Variants in LACC1 observed in about 807,000 individuals in gnomAD.
LACC1 encodes the protein laccase domain multifunctional purine nucleosidase 1.
A neutral mutation model predicts 34.8 loss-of-function variants in LACC1; 25 were observed. The ratio of observed to expected loss-of-function variants is 0.72; its 90% CI spans 0.52 to 1.00. The LOEUF (loss-of-function observed/expected upper bound fraction) is 1.00, where lower values mean the gene tolerates loss of function less well. LACC1 is among the 50% of genes least tolerant of loss of function. LACC1 has a pLI of 0.00. For missense variants in LACC1, 426 were observed against 511.2 expected (o/e 0.83, Z 1.61); for synonymous variants, 162 against 168.0 (o/e 0.96, Z 0.28).
chr13:43,884,653 G>A (rs1216146496), intron 4 of LACC1, among the ~76,000 whole-genome samples: 1 of 152,172 alleles, frequency 6.6e-6, no homozygotes, highest in East Asian at 1.9e-4. Context: ...TTTTAAAATA[G>A]TATTTTAGAT....
intron 2 of LACC1, 61 bp downstream of exon 2, chr13:43,881,608 G>A: frequency 7.9e-7 from 1 of 1,265,106 alleles, no homozygotes; most frequent in Non-Finnish European, 1.1e-6. Flanking sequence ...TTTCTTCAGA[G>A]GTAGTTCACC....
chr13:43,883,637 G>A lies in LACC1; in HGVS notation c.742-134G>A, dbSNP rs185726689. The A allele has an allele frequency of 6.1e-4, 319 of 519,798 alleles. 3 individuals are homozygous for A. Among genetic ancestry groups the A allele is most frequent in the Non-Finnish European group, 1.0e-4 (33 of 317,318 alleles). The allele number at this position is 519,798 out of a possible 1,614,324, so 32.2% of individuals were successfully genotyped here. On this transcript the variant is annotated intron_variant, in intron 3 of 6. Coordinates refer to ENST00000325686, the MANE Select transcript of LACC1 (RefSeq NM_153218.4). ...ATTTTGTGTTTTCCCATATATAAAA[G>A]TGATATATTTAATGAATGCTAGTAA...
chr13:43,879,254 G>C (rs1954785986), upstream of LACC1: 1 of 152,630 alleles, frequency 6.6e-6, no homozygotes, highest in Admixed American at 6.5e-5. Flanking sequence ...TTCTAACCGG[G>C]CCCCTAGTTC....
chr13:43,890,177 C>T lies in LACC1; in HGVS notation c.1197C>T (p.Asn399=). 1 of 1,613,504 alleles carries T rather than the reference C, an allele frequency of 6.2e-7. No homozygotes were observed. Among genetic ancestry groups the T allele is most frequent in the Non-Finnish European group, 8.5e-7 (1 of 1,179,508 alleles). Residue 399 remains asparagine, a synonymous_variant, in exon 6 of 7, where the codon AAC becomes AAT. Coordinates refer to ENST00000325686, the MANE Select transcript of LACC1 (RefSeq NM_153218.4). ...TTCAGGACCAGAACCAAGATCTCAA[C>T]CTCTGTACATCTTGCCATCCTGACA... The part of the protein sequence containing the change: ...QNIQDQNQDL[N]LCTSCHPDKF...
chr13:43,882,557 A>G (rs561759761), intron 3 of LACC1, among the ~76,000 whole-genome samples, 194 bp downstream of exon 3: 396 of 106,280 alleles, frequency 3.7e-3, no homozygotes, highest in African/African-American at 0.013. Context: ...ACACACACAC[A>G]CGTGCAGATA....
Position 43,891,473 on chromosome 13 carries a change from C to T in LACC1, c.*26C>T, listed in dbSNP as rs1955566114. 1 of 984,814 alleles carries T rather than the reference C, an allele frequency of 1.0e-6. No individual in the cohort carries two copies. Among genetic ancestry groups the T allele is most frequent in the Non-Finnish European group, 1.2e-6 (1 of 829,282 alleles). 61.0% of individuals were successfully genotyped at this position (984,814 alleles called of 1,614,324 possible). On this transcript the variant is annotated 3_prime_UTR_variant, in exon 7 of 7. Transcript: ENST00000325686. ...GATACTTGACTGGATTTTTGTATAA[C>T]TGCTTCCTGCCTCCTTCCAAACTGA...
chr13:43,881,665 C>A lies in LACC1; in HGVS notation c.562+118C>A, dbSNP rs564100274. 47 of 747,920 alleles carry A rather than the reference C, an allele frequency of 6.3e-5. No homozygotes were observed. The African/African-American group carries it at 7.8e-4, about 12-fold the overall frequency. The allele number at this position is 747,920 out of a possible 1,614,324, so 46.3% of individuals were successfully genotyped here. ...TGTTGACTGTTGTGGGCTGATTACT[C>A]ATTAGCATCAGTGGCAACACAGAGG... On this transcript the variant is annotated intron_variant, in intron 2 of 6. Coordinates refer to ENST00000325686, the MANE Select transcript of LACC1 (RefSeq NM_153218.4).
In LACC1 at chr13:43,892,680, A is replaced by G. The variant is rs367753469; in HGVS notation, c.*1233A>G. On this transcript the variant is annotated 3_prime_UTR_variant, in exon 7 of 7. Coordinates refer to ENST00000325686, the MANE Select transcript of LACC1 (RefSeq NM_153218.4). ...CAATACAGAGATGATACCTGATTCT[A>G]TTGGAGCAGGTTTGATCATCTAGGC... is the stretch of plus-strand genomic sequence containing the variant. 1.3e-5 allele frequency: 2 copies of G among 152,168 alleles called. No homozygotes were observed. The highest frequency in any genetic ancestry group is 2.9e-5 in the Non-Finnish European group (2 of 67,996). 9.4% of individuals were successfully genotyped at this position (152,168 alleles called of 1,614,324 possible).
In LACC1 at chr13:43,890,127, C is replaced by A. The variant is rs529354475; in HGVS notation, c.1147C>A (p.Gln383Lys). The change falls in exon 6 of 7, where the codon CAG becomes AAG. Residue 383 changes from glutamine to lysine, a missense_variant. Gln to Lys is a moderately conservative substitution (Grantham distance 53). Coordinates refer to ENST00000325686, the MANE Select transcript of LACC1 (RefSeq NM_153218.4). ...ATTTTTCCTAAGGATTCTTCTAGAA[C>A]AGGGAGGAATTCTTCCACAGAATAT... is the stretch of plus-strand genomic sequence containing the variant. Reference protein sequence around the residue: ...IRKATRILLEQGGILPQNIQD... With the variant: ...IRKATRILLEKGGILPQNIQD... 2.2e-5 allele frequency: 35 copies of A among 1,610,904 alleles called. No homozygotes were observed. The highest frequency in any genetic ancestry group is 1.7e-4 in the Middle Eastern group (1 of 6,058).
In LACC1 at chr13:43,893,740, A is replaced by G. The variant is rs1377750705; in HGVS notation, c.*2293A>G. 6 of 152,100 alleles carry G rather than the reference A, an allele frequency of 3.9e-5. No homozygotes were observed. The highest frequency in any genetic ancestry group is 1.5e-5 in the Non-Finnish European group (1 of 67,858). The allele number at this position is 152,100 out of a possible 1,614,324, so 9.4% of individuals were successfully genotyped here. Reference sequence around the variant, plus strand: ...GATAGAAATGTTGAACTCATCCAAAATATTATTTTGTTTAATGAAAATGAT... The same window carrying G: ...GATAGAAATGTTGAACTCATCCAAAGTATTATTTTGTTTAATGAAAATGAT... On this transcript the variant is annotated 3_prime_UTR_variant, in exon 7 of 7. Coordinates refer to ENST00000325686, the MANE Select transcript of LACC1 (RefSeq NM_153218.4).
rs1163384577 is a variant in LACC1 at position 43,883,945 on chromosome 13, A to G, written c.907+9A>G. 3 of 1,589,678 alleles carry G rather than the reference A, an allele frequency of 1.9e-6. No homozygotes were observed. The highest frequency in any genetic ancestry group is 2.6e-6 in the Non-Finnish European group (3 of 1,168,732). On this transcript the variant is annotated intron_variant, in intron 4 of 6. Coordinates refer to ENST00000325686, the MANE Select transcript of LACC1 (RefSeq NM_153218.4). ...TGGGGTTGCTCACGCTGGTAAGTAT[A>G]CTTAATTAAACATTTAGAATTTTAC...
In LACC1 at chr13:43,883,904, C is replaced by G. The variant is rs1401560467; in HGVS notation, c.875C>G (p.Pro292Arg). Reference sequence around the variant, plus strand: ...TGTATACCGATAGTTTTTGCAGATCCAGTCAAAAAAGCATGTGGGGTTGCT... The same window carrying G: ...TGTATACCGATAGTTTTTGCAGATCGAGTCAAAAAAGCATGTGGGGTTGCT... ...ADCIPIVFAD[P>R]VKKACGVAHA... Residue 292 changes from proline (P) to arginine (R), a missense_variant, in exon 4 of 7, where the codon CCA becomes CGA. Physicochemically the swap from Pro to Arg is moderately radical, Grantham distance 103. Coordinates refer to ENST00000325686, the MANE Select transcript of LACC1 (RefSeq NM_153218.4). 6.2e-7 allele frequency: 1 copy of G among 1,612,728 alleles called. No individual in the cohort carries two copies. The highest frequency in any genetic ancestry group is 8.5e-7 in the Non-Finnish European group (1 of 1,179,294).
intron 4 of LACC1, 107 bp downstream of exon 4, chr13:43,884,043 T>A: frequency 1.2e-6 from 1 of 847,428 alleles, no homozygotes; most frequent in Non-Finnish European, 1.8e-6. Flanking sequence ...CATTACACTG[T>A]GGTAAGTGTA....
intron 3 of LACC1, among the ~76,000 whole-genome samples, chr13:43,882,871 C>G (rs1008439467): frequency 6.6e-6 from 1 of 152,030 alleles, no homozygotes; most frequent in African/African-American, 2.4e-5. Flanking sequence ...CGGTTCAGGG[C>G]TTTAGGTAGC....
chr13:43,883,488 C>T (rs532040392), intron 3 of LACC1, among the ~76,000 whole-genome samples: 5 of 152,082 alleles, frequency 3.3e-5, no homozygotes, highest in Non-Finnish European at 7.4e-5. Flanking sequence ...AATGATATAC[C>T]TATCTTTATG....
At chr13:43,879,809 G>GAGGCGGGGCGAGGCGGGGCGAGGT (rs1555394183), upstream of LACC1, 2 of 116,284 alleles carry the variant, frequency 1.7e-5, no homozygotes, top group East Asian at 3.6e-4. Flanking sequence ...GAGGCGAGGC[G>GAGGCGGGGCGAGGCGGGGCGAGGT]GGGCGAGGTG....
intron 6 of LACC1, among the ~76,000 whole-genome samples, chr13:43,891,054 G>T (rs772540502): frequency 5.9e-5 from 9 of 152,212 alleles, no homozygotes; most frequent in Non-Finnish European, 1.2e-4. Context: ...TAGGCCAGGA[G>T]TTTGAGTACA....
chr13:43,891,128 CT>C (rs1566971314), intron 6 of LACC1, among the ~76,000 whole-genome samples: 1 of 152,090 alleles, frequency 6.6e-6, no homozygotes. Context: ...CAGATTTGGC[CT>C]ATAGGCTATA....
chr13:43,890,084 T>C (rs1343180447), intron 5 of LACC1, 30 bp from the exon 6 acceptor site: 3 of 1,580,586 alleles, frequency 1.9e-6, no homozygotes, highest in Non-Finnish European at 2.6e-6. Context: ...AATAAACTCT[T>C]GCTCTCTTTT....
Sources: allele counts gnomAD v4.1 joint callset (sites outside exome capture counted in the v4.1 genomes callset), GRCh38; gene constraint gnomAD v4.1.1; transcripts MANE v1.5; gene names NCBI Gene and HGNC (gene_info 2026-07-23, HGNC 2026-07-21).